Variants in MCTP1 observed in about 807,000 individuals in gnomAD.
The protein encoded by MCTP1 is multiple C2 and transmembrane domain containing 1.
Under a neutral mutation model 120.6 loss-of-function variants are expected in MCTP1, and 69 were observed. That is an observed-to-expected ratio of 0.57 (90% CI 0.47 to 0.70). The LOEUF is 0.70. MCTP1 is among the 30% of genes least tolerant of loss of function. MCTP1 has a pLI of 0.00. For missense variants in MCTP1, 1,203 were observed against 1,248.8 expected (o/e 0.96, Z 0.55); for synonymous variants, 529 against 493.1 (o/e 1.07, Z -0.96).
chr5:94,799,874 T>A (rs993668172), intron 17 of MCTP1, among the ~76,000 whole-genome samples: 2 of 152,134 alleles, frequency 1.3e-5, no homozygotes, highest in Non-Finnish European at 2.9e-5. Context: ...ACTTACATTA[T>A]AAAACAACAC....
At chr5:95,238,146 G>A (rs1755759099) in intron 1 of MCTP1, among the ~76,000 whole-genome samples, 1 of 152,188 alleles carries the variant, frequency 6.6e-6, no homozygotes, top group African/African-American at 2.4e-5. Flanking sequence ...ATGTGAGAAA[G>A]TCACAAGAAT....
Position 94,707,409 on chromosome 5 carries a change from C to T in MCTP1, c.*87G>A. 2.0e-6 allele frequency: 2 copies of T among 1,011,492 alleles called. No homozygotes were observed. The highest frequency in any genetic ancestry group is 3.0e-6 in the Non-Finnish European group (2 of 664,884). The allele number at this position is 1,011,492 out of a possible 1,614,324, so 62.7% of individuals were successfully genotyped here. A position where few individuals can be genotyped will look rare whatever the true frequency, so the allele number is the denominator to read the frequency against. On this transcript the variant is annotated 3_prime_UTR_variant, in exon 23 of 23. Coordinates refer to ENST00000515393, the MANE Select transcript of MCTP1 (RefSeq NM_024717.7). Reference sequence around the variant, plus strand: ...ATAAAAAGGCAAAATAAATAAAAAGCAGAAAGAAAGGAAATGCTGCTGAGG... The same window carrying T: ...ATAAAAAGGCAAAATAAATAAAAAGTAGAAAGAAAGGAAATGCTGCTGAGG...
At chr5:94,953,844 C>CAAATATATATATACATATATATATATAT (rs1561916344) in intron 2 of MCTP1, among the ~76,000 whole-genome samples, 3 of 13,988 alleles carry the variant, frequency 2.1e-4, no homozygotes, top group Non-Finnish European at 3.7e-4. Flanking sequence ...TATATATATA[C>CAAATATATATATACATATATATATATAT]ACAACTATAT....
intron 1 of MCTP1, among the ~76,000 whole-genome samples, chr5:95,203,983 G>C (rs1317039955): frequency 6.6e-6 from 1 of 151,692 alleles, no homozygotes; most frequent in Admixed American, 6.6e-5. Context: ...AAAGAGATGT[G>C]GATCCATTTG....
intron 2 of MCTP1, among the ~76,000 whole-genome samples, chr5:94,976,376 G>A (rs1182263139): frequency 2.6e-5 from 4 of 152,048 alleles, no homozygotes; most frequent in Admixed American, 2.0e-4. Context: ...GCTTGAATCA[G>A]GGAGGTGGAG....
chr5:95,187,160 T>C (rs1749295993), intron 1 of MCTP1, among the ~76,000 whole-genome samples: 1 of 152,234 alleles, frequency 6.6e-6, no homozygotes. Flanking sequence ...CCCATGTTTA[T>C]TGCTGCACTG....
At chr5:95,017,329 A>T (rs773334076) in intron 2 of MCTP1, 38 bp downstream of exon 2, 13 of 1,321,114 alleles carry the variant, frequency 9.8e-6, no homozygotes, top group Non-Finnish European at 1.3e-5. Flanking sequence ...ATAAACACAT[A>T]AAAAAGCTTC....
intron 1 of MCTP1, among the ~76,000 whole-genome samples, chr5:95,097,608 T>C (rs1457436245): frequency 1.3e-5 from 2 of 152,158 alleles, no homozygotes; most frequent in Non-Finnish European, 2.9e-5. Flanking sequence ...TTGGTTTCCA[T>C]CATGGGAAGT....
At chr5:95,060,741 G>A (rs562778676) in intron 1 of MCTP1, among the ~76,000 whole-genome samples, 5 of 152,236 alleles carry the variant, frequency 3.3e-5, no homozygotes, top group African/African-American at 1.2e-4. Flanking sequence ...GGAGGCTGAG[G>A]TGGGTGGATC....
chr5:94,953,832 T>C (rs1044303643), intron 2 of MCTP1, among the ~76,000 whole-genome samples: 1 of 44,588 alleles, frequency 2.2e-5, no homozygotes, highest in South Asian at 6.1e-4. Flanking sequence ...TATATATACA[T>C]ATATATATAT....
chr5:94,946,741 A>C (rs575511525), intron 3 of MCTP1, among the ~76,000 whole-genome samples: 1 of 152,194 alleles, frequency 6.6e-6, no homozygotes, highest in East Asian at 1.9e-4. Flanking sequence ...GCACCTTACA[A>C]ACTGACATCC....
At chr5:94,924,066 G>A in intron 6 of MCTP1, 45 bp from the exon 7 acceptor site, 8 of 1,154,948 alleles carry the variant, frequency 6.9e-6, no homozygotes, top group Non-Finnish European at 8.5e-6. Flanking sequence ...ATGTTTTTGA[G>A]AATAATTAAT....
rs75910197 is a variant in MCTP1 at position 94,810,597 on chromosome 5, C to T, written c.2437-11465G>A. Reference sequence around the variant, plus strand: ...AAAATTAGTCCTTCAGTCTTTACACCTCCAGCTCTAATTCACTGAACAGGA... The same window carrying T: ...AAAATTAGTCCTTCAGTCTTTACACTTCCAGCTCTAATTCACTGAACAGGA... On this transcript the variant is annotated intron_variant, in intron 17 of 22. Transcript: ENST00000515393. 5.2e-3 allele frequency among the ~76,000 whole-genome samples: 785 copies of T among 152,276 alleles called. 7 individuals carry two copies. Among genetic ancestry groups the T allele is most frequent in the Non-Finnish European group, 8.6e-3 (585 of 68,006 alleles).
chr5:95,117,844 T>G (rs1303233540), intron 1 of MCTP1, among the ~76,000 whole-genome samples: 1 of 152,136 alleles, frequency 6.6e-6, no homozygotes, highest in African/African-American at 2.4e-5. Flanking sequence ...TAAAAAGGAA[T>G]GAGATCATGT....
intron 2 of MCTP1, among the ~76,000 whole-genome samples, chr5:94,968,567 T>C (rs1488351819): frequency 1.3e-5 from 2 of 152,240 alleles, no homozygotes; most frequent in Non-Finnish European, 2.9e-5. Context: ...ATGTGGTATG[T>C]GGTTAATCTT....
intron 17 of MCTP1, among the ~76,000 whole-genome samples, chr5:94,862,771 T>C (rs912426290): frequency 2.6e-5 from 4 of 151,730 alleles, no homozygotes; most frequent in African/African-American, 7.2e-5. Flanking sequence ...TTTTGGACAA[T>C]GTTTGAAAAA....
At chr5:95,002,428 C>A (rs1216552232) in intron 2 of MCTP1, among the ~76,000 whole-genome samples, 3 of 152,198 alleles carry the variant, frequency 2.0e-5, no homozygotes, top group Non-Finnish European at 4.4e-5. Context: ...TGAAAGCAAC[C>A]AGGATGGGGC....
At chr5:94,787,262 A>T (rs1241819578) in intron 18 of MCTP1, among the ~76,000 whole-genome samples, 2 of 152,186 alleles carry the variant, frequency 1.3e-5, no homozygotes, top group East Asian at 1.9e-4. Flanking sequence ...TGCTTATGGT[A>T]TTTCTGTAAA....
At chr5:94,741,624 T>A (rs1457527450) in intron 19 of MCTP1, among the ~76,000 whole-genome samples, 2 of 152,196 alleles carry the variant, frequency 1.3e-5, no homozygotes, top group African/African-American at 4.8e-5. Context: ...ATTTTAAAAT[T>A]AACTTGTGGT....
Sources: gnomAD v4.1 joint callset for allele counts (sites outside exome capture counted in the v4.1 genomes callset) on GRCh38, gnomAD v4.1.1 for gene constraint, MANE v1.5 for transcripts, NCBI Gene and HGNC (gene_info 2026-07-23, HGNC 2026-07-21) for gene names.